Variants in WDR44 observed in about 807,000 individuals in gnomAD.
WDR44 encodes WD repeat domain 44.
WDR44 carries 9 observed loss-of-function variants against 65.7 expected under a neutral mutation model. The observed-to-expected ratio is 0.14, with a 90% CI of 0.08 to 0.24. The LOEUF is 0.24. WDR44 is among the 10% of genes least tolerant of loss of function. The pLI is 1.00. For missense variants in WDR44, 425 were observed against 670.9 expected (o/e 0.63, Z 4.05); for synonymous variants, 220 against 235.2 (o/e 0.94, Z 0.59).
intron 10 of WDR44, among the ~76,000 whole-genome samples, chrX:118,408,488 C>G (rs1487419029): frequency 2.7e-5 from 3 of 110,304 alleles, no homozygotes; most frequent in Non-Finnish European, 5.7e-5. Context: ...GCCTCTGCCT[C>G]CTGGGCTCAA....
intron 12 of WDR44, among the ~76,000 whole-genome samples, chrX:118,411,652 C>G (rs2057014120): frequency 1.8e-5 from 2 of 111,962 alleles, no homozygotes; most frequent in African/African-American, 6.5e-5. Context: ...GTTTCTTCTT[C>G]CATCTCCTTA....
intron 2 of WDR44, among the ~76,000 whole-genome samples, chrX:118,386,805 A>G (rs2056771540): frequency 1.8e-5 from 2 of 111,890 alleles, no homozygotes; most frequent in African/African-American, 3.2e-5. Context: ...ATAATAGAAT[A>G]TTGCTGATGG....
rs754290155 is a variant in WDR44, at chrX:118,442,193, C to T, written c.2167-51C>T. ...AGTAGCTAGAGTTACAGATACGAGCCACCACACATGCTCCTAATTCTAATA... is the reference window on the plus strand; with the variant it reads ...AGTAGCTAGAGTTACAGATACGAGCTACCACACATGCTCCTAATTCTAATA... On this transcript the variant is annotated intron_variant, in intron 15 of 19. Coordinates refer to ENST00000254029, the MANE Select transcript of WDR44 (RefSeq NM_019045.5). The T allele has an allele frequency of 3.8e-6, 4 of 1,055,540 alleles. No individual in the cohort carries two copies. The African/African-American group carries it at 7.4e-5, about 19-fold the overall frequency. 87.0% of individuals were successfully genotyped at this position (1,055,540 alleles called of 1,213,427 possible).
chrX:118,373,409 A>C (rs1018368117), intron 1 of WDR44, among the ~76,000 whole-genome samples: 2 of 111,704 alleles, frequency 1.8e-5, no homozygotes, highest in African/African-American at 6.5e-5. Flanking sequence ...AAAATAGTTA[A>C]AATATTATCA....
In WDR44 at chrX:118,406,997, G is replaced by C; in HGVS notation, c.1504G>C (p.Val502Leu). 8.3e-7 allele frequency: 1 copy of C among 1,210,208 alleles called. No individual in the cohort carries two copies. Among genetic ancestry groups the C allele is most frequent in the Non-Finnish European group, 1.1e-6 (1 of 895,035 alleles). ...ACCTTATGATTTTGATCAGATCAAAGTGGTGCAAGATCTTAGTGGTGAACA... is the reference window on the plus strand; with the variant it reads ...ACCTTATGATTTTGATCAGATCAAACTGGTGCAAGATCTTAGTGGTGAACA... The part of the protein sequence containing the change: ...KGPYDFDQIK[V>L]VQDLSGEHMG... Residue 502 changes from valine to leucine, a missense_variant, in exon 10 of 20, where the codon GTG (valine) becomes CTG (leucine). Val to Leu is a conservative substitution (Grantham distance 32, BLOSUM62 1). This residue lies in a region of WDR44 where 77 missense variants were observed against 183.5 expected (regional missense o/e 0.42). Coordinates refer to ENST00000254029, the MANE Select transcript of WDR44 (RefSeq NM_019045.5).
intron 14 of WDR44, among the ~76,000 whole-genome samples, chrX:118,440,132 A>G (rs1054214350): frequency 9.2e-6 from 1 of 108,557 alleles, no homozygotes. Flanking sequence ...AAAAAAAAAA[A>G]AAAGAAAGAA....
intron 1 of WDR44, among the ~76,000 whole-genome samples, chrX:118,370,864 G>A (rs185302253): frequency 3.1e-4 from 34 of 109,460 alleles, no homozygotes; most frequent in African/African-American, 1.1e-3. Context: ...TTACAGGCAT[G>A]AGCCACCGTG....
chrX:118,418,802 G>A (rs1412880168), intron 12 of WDR44, among the ~76,000 whole-genome samples: 1 of 110,877 alleles, frequency 9.0e-6, no homozygotes, highest in African/African-American at 3.3e-5. Flanking sequence ...AGGCCCATCA[G>A]GTGGGGGCAG....
In WDR44 at chrX:118,426,835, C is replaced by T. The variant is rs896185817; in HGVS notation, c.1738-5946C>T. On this transcript the variant is annotated intron_variant, in intron 12 of 19. Transcript: ENST00000254029. ...AAATAGAACAAAAAACAAAAACAAA[C>T]CAAAAAATTATTAGATATTCTGAAA... 3.6e-5 allele frequency among the ~76,000 whole-genome samples: 4 copies of T among 109,729 alleles called. No individual in the cohort carries two copies. The South Asian group carries it at 1.5e-3, about 42-fold the overall frequency.
chrX:118,431,835 G>A (rs2057214221), intron 12 of WDR44, among the ~76,000 whole-genome samples: 2 of 111,769 alleles, frequency 1.8e-5, no homozygotes, highest in Admixed American at 1.9e-4. Context: ...TTCACAGGTG[G>A]CTGTGTGGCC....
At chrX:118,448,379 C>T (rs1050129864) in intron 19 of WDR44, among the ~76,000 whole-genome samples, 1 of 111,764 alleles carries the variant, frequency 8.9e-6, no homozygotes. Context: ...TCAGTAAGGA[C>T]CATATGGCAA....
chrX:118,387,400 G>T lies in WDR44; in HGVS notation c.172G>T (p.Asp58Tyr). The T allele has an allele frequency of 8.4e-7, 1 of 1,190,423 alleles. No individual in the cohort carries two copies. Among genetic ancestry groups the T allele is most frequent in the Non-Finnish European group, 1.1e-6 (1 of 880,875 alleles). ...GTCCCCTGTACAAGAATTGAAACAA[G>T]ATGTGTCTAAAAAGGTTGGAAAGAT... ...NESPVQELKQ[D>Y]VSKKIIESII... Residue 58 changes from aspartate to tyrosine, a missense_variant, in exon 3 of 20, where the codon GAT becomes TAT. By Grantham distance (160) the Asp-to-Tyr change is radical (BLOSUM62 -3). Transcript: ENST00000254029.
At chrX:118,352,348 ATATATTTTTTT>A (rs1376070780) in intron 1 of WDR44, among the ~76,000 whole-genome samples, 9 of 23,337 alleles carry the variant, frequency 3.9e-4, no homozygotes, top group South Asian at 8.1e-3. Flanking sequence ...ATATATATAT[ATATATTTTTTT>A]TTTTTTTTTT....
At chrX:118,413,167 T>G (rs908329008) in intron 12 of WDR44, among the ~76,000 whole-genome samples, 1 of 112,374 alleles carries the variant, frequency 8.9e-6, no homozygotes, top group Admixed American at 9.5e-5. Context: ...TGTGCAAGTA[T>G]CTTTTTCTAA....
At chrX:118,448,642 C>T (rs751741138) in intron 19 of WDR44, among the ~76,000 whole-genome samples, 63 of 111,122 alleles carry the variant, frequency 5.7e-4, no homozygotes, top group Non-Finnish European at 1.1e-3. Flanking sequence ...GCATCCAGGC[C>T]CCAAGAGACT....
chrX:118,407,424 C>T (rs772151568), intron 10 of WDR44, among the ~76,000 whole-genome samples: 4 of 109,077 alleles, frequency 3.7e-5, no homozygotes, highest in African/African-American at 1.3e-4. Flanking sequence ...TTGCTTGAAC[C>T]CAGGAGGCAG....
chrX:118,413,691 T>A (rs1284408347), intron 12 of WDR44, among the ~76,000 whole-genome samples: 1 of 112,237 alleles, frequency 8.9e-6, no homozygotes, highest in East Asian at 2.8e-4. Flanking sequence ...GTTAGTGTAA[T>A]TAAGTCCCAA....
intron 7 of WDR44, among the ~76,000 whole-genome samples, chrX:118,397,534 G>A (rs951961104): frequency 9.0e-6 from 1 of 110,887 alleles, no homozygotes; most frequent in Non-Finnish European, 1.9e-5. Flanking sequence ...AGAAAAATGA[G>A]GCTAAAAAGC....
At chrX:118,448,486 T>C (rs958061405) in intron 19 of WDR44, among the ~76,000 whole-genome samples, 1 of 111,952 alleles carries the variant, frequency 8.9e-6, no homozygotes, top group Non-Finnish European at 1.9e-5. Context: ...GCAACCTCGC[T>C]AGACACCCCT....
Sources: gnomAD v4.1 joint callset for allele counts (sites outside exome capture counted in the v4.1 genomes callset) on GRCh38, gnomAD v4.1.1 for gene constraint, gnomAD v4.1.1 regional missense constraint, MANE v1.5 for transcripts, NCBI Gene and HGNC (gene_info 2026-07-23, HGNC 2026-07-21) for gene names.